The following RCSD1 variants were observed in gnomAD, a reference collection of about 807,000 sequenced individuals.
The protein encoded by RCSD1 is capZ-interacting protein.
A neutral mutation model predicts 42.5 loss-of-function variants in RCSD1; 26 were observed. That is an observed-to-expected ratio of 0.61 (90% CI 0.45 to 0.85). RCSD1 has a LOEUF of 0.85. RCSD1 is among the 40% of genes least tolerant of loss of function. The pLI, the probability that RCSD1 is intolerant of heterozygous loss-of-function variation, is 0.00. For synonymous variants in RCSD1, 220 were observed against 212.2 expected, an observed-to-expected ratio of 1.04 and a Z score of -0.32; for missense variants, 571 against 528.3, an observed-to-expected ratio of 1.08 and a Z score of -0.79.
chr1:167,632,528 G>A (rs1657730015), intron 1 of RCSD1, among the ~76,000 whole-genome samples: 1 of 152,058 alleles, frequency 6.6e-6, no homozygotes, highest in South Asian at 2.1e-4. Flanking sequence ...GGGGTGGAGG[G>A]GATTGCAGTA....
intron 1 of RCSD1, among the ~76,000 whole-genome samples, chr1:167,660,710 GC>G (rs1286890510): frequency 6.6e-6 from 1 of 152,166 alleles, no homozygotes; most frequent in Non-Finnish European, 1.5e-5. Context: ...CTGGCTTCAA[GC>G]AATCCTTCTG....
intron 1 of RCSD1, among the ~76,000 whole-genome samples, chr1:167,676,500 A>T: frequency 6.6e-6 from 1 of 152,226 alleles, no homozygotes; most frequent in East Asian, 1.9e-4. Context: ...CTGACTCTGA[A>T]TTTGTTGTTC....
At chr1:167,680,199 G>A (rs1031459405) in intron 1 of RCSD1, among the ~76,000 whole-genome samples, 5 of 152,044 alleles carry the variant, frequency 3.3e-5, no homozygotes, top group African/African-American at 9.7e-5. Context: ...AGGGAGATGA[G>A]TGCAGAAAAC....
intron 4 of RCSD1, 132 bp downstream of exon 4, chr1:167,690,252 T>G: frequency 1.4e-6 from 1 of 734,156 alleles, no homozygotes; most frequent in Non-Finnish European, 2.3e-6. Context: ...AATCAGCCAG[T>G]GATCAAATTG....
intron 1 of RCSD1, among the ~76,000 whole-genome samples, chr1:167,639,009 A>G (rs2102196237): frequency 6.6e-6 from 1 of 152,168 alleles, no homozygotes; most frequent in East Asian, 1.9e-4. Flanking sequence ...CGAGGTCAGG[A>G]GATTGAGACC....
At chr1:167,684,265 C>T (rs984694812) in intron 2 of RCSD1, among the ~76,000 whole-genome samples, 5 of 152,222 alleles carry the variant, frequency 3.3e-5, no homozygotes, top group Non-Finnish European at 7.3e-5. Context: ...GTATCCATTT[C>T]CATCTTGATC....
intron 1 of RCSD1, among the ~76,000 whole-genome samples, chr1:167,662,515 AT>A (rs1418125267): frequency 1.3e-5 from 2 of 151,762 alleles, no homozygotes; most frequent in Non-Finnish European, 2.9e-5. Flanking sequence ...ACTGTTCTTC[AT>A]TACCAGTTTT....
chr1:167,638,774 A>T (rs896341445), intron 1 of RCSD1, among the ~76,000 whole-genome samples: 2 of 152,212 alleles, frequency 1.3e-5, no homozygotes, highest in African/African-American at 2.4e-5. Context: ...GACTTTTCCA[A>T]ATTCATTTTT....
chr1:167,640,288 G>A (rs76718810), intron 1 of RCSD1: 6,824 of 152,262 alleles, frequency 0.045, 213 homozygotes, highest in African/African-American at 0.081. Context: ...TAAGGCTCGA[G>A]GGGCGGCTCC....
At chr1:167,676,046 G>A (rs1369495488) in intron 1 of RCSD1, among the ~76,000 whole-genome samples, 2 of 152,146 alleles carry the variant, frequency 1.3e-5, no homozygotes, top group African/African-American at 4.8e-5. Flanking sequence ...TACATGCTAG[G>A]CCCTGTTCTA....
At chr1:167,664,071 A>G (rs931950737) in intron 1 of RCSD1, 3 of 152,230 alleles carry the variant, frequency 2.0e-5, no homozygotes, top group African/African-American at 7.2e-5. Flanking sequence ...ACCATCTCCT[A>G]GTATCCCCAT....
At chr1:167,685,395 G>A in intron 2 of RCSD1, 26 bp from the exon 3 acceptor site, 2 of 1,592,538 alleles carry the variant, frequency 1.3e-6, no homozygotes, top group Non-Finnish European at 1.7e-6. Context: ...TTTTCTCTGT[G>A]TGTCTGTCTG....
intron 1 of RCSD1, among the ~76,000 whole-genome samples, chr1:167,675,924 G>A (rs1658940318): frequency 6.6e-6 from 1 of 152,142 alleles, no homozygotes; most frequent in African/African-American, 2.4e-5. Context: ...TGGAAGGACA[G>A]GAGAAGATTA....
At chr1:167,696,411 A>G (rs1446266293) in intron 5 of RCSD1, among the ~76,000 whole-genome samples, 1 of 151,732 alleles carries the variant, frequency 6.6e-6, no homozygotes, top group East Asian at 1.9e-4. Flanking sequence ...ACTTAGTCAA[A>G]CAGCATTTGA....
rs1248574862 is a variant in RCSD1 at position 167,697,573 on chromosome 1, G to T, written c.949G>T (p.Val317Leu). Residue 317 changes from valine (V) to leucine (L), a missense_variant, in exon 6 of 7, where the codon GTG becomes TTG. Physicochemically the swap from Val to Leu is conservative, Grantham distance 32. Transcript: ENST00000367854. ...EEAEMEKATE[V>L]KGERVQNEEV... ...AGCAGAGATGGAAAAGGCTACAGAGGTGAAGGGGGAGAGGGTGCAAAATGA... is the reference window on the plus strand; with the variant it reads ...AGCAGAGATGGAAAAGGCTACAGAGTTGAAGGGGGAGAGGGTGCAAAATGA... 1.2e-6 allele frequency: 2 copies of T among 1,607,728 alleles called. No individual in the cohort carries two copies. The highest frequency in any genetic ancestry group is 1.7e-6 in the Non-Finnish European group (2 of 1,177,218).
intron 1 of RCSD1, among the ~76,000 whole-genome samples, chr1:167,648,180 G>A (rs868654278): frequency 6.6e-6 from 1 of 152,010 alleles, no homozygotes; most frequent in African/African-American, 2.4e-5. Flanking sequence ...ATGTCTTCAC[G>A]ACACTCTGTT....
chr1:167,678,621 C>T (rs1659006477), intron 1 of RCSD1, among the ~76,000 whole-genome samples: 2 of 152,226 alleles, frequency 1.3e-5, no homozygotes, highest in South Asian at 4.1e-4. Context: ...TCTGCTCACC[C>T]TCTTCCACTC....
intron 1 of RCSD1, among the ~76,000 whole-genome samples, chr1:167,660,386 A>G (rs1301412166): frequency 6.6e-6 from 1 of 151,658 alleles, no homozygotes; most frequent in African/African-American, 2.4e-5. Context: ...CCACAGCCAC[A>G]CTTAACAACC....
chr1:167,640,094 C>T (rs1349319853), intron 1 of RCSD1, among the ~76,000 whole-genome samples: 2 of 152,180 alleles, frequency 1.3e-5, no homozygotes, highest in Admixed American at 6.5e-5. Context: ...CTATACAGTG[C>T]GGAAGTGCTG....
Sources: gnomAD v4.1 joint callset for allele counts (sites outside exome capture counted in the v4.1 genomes callset) on GRCh38, gnomAD v4.1.1 for gene constraint, MANE v1.5 for transcripts, NCBI Gene and HGNC (gene_info 2026-07-23, HGNC 2026-07-21) for gene names.